Variants in SLC25A12 observed in about 807,000 individuals in gnomAD.
SLC25A12 encodes solute carrier family 25 member 12.
In SLC25A12, 32 loss-of-function variants were observed where a neutral mutation model predicts 83.3. The ratio of observed to expected loss-of-function variants is 0.38; its 90% CI spans 0.29 to 0.52. The LOEUF is 0.52. SLC25A12 is among the 20% of genes least tolerant of loss of function. The pLI is 0.84. For synonymous variants in SLC25A12, 267 were observed against 291.1 expected (o/e 0.92, Z 0.84); for missense variants, 611 against 835.6 (o/e 0.73, Z 3.31).
intron 13 of SLC25A12, among the ~76,000 whole-genome samples, chr2:171,795,902 C>G (rs758680036): frequency 7.3e-5 from 11 of 151,598 alleles, no homozygotes; most frequent in Non-Finnish European, 1.6e-4. Flanking sequence ...TCTACTGAAA[C>G]TTTACAAAAA....
chr2:171,805,909 G>C (rs1209014091), intron 13 of SLC25A12, among the ~76,000 whole-genome samples: 1 of 152,224 alleles, frequency 6.6e-6, no homozygotes, highest in East Asian at 1.9e-4. Context: ...AGGAATTCGA[G>C]ACCAGCCTGG....
At chr2:171,831,737 A>G (rs1684435663) in intron 8 of SLC25A12, among the ~76,000 whole-genome samples, 1 of 152,088 alleles carries the variant, frequency 6.6e-6, no homozygotes, top group South Asian at 2.1e-4. Context: ...TGTCGCTACT[A>G]AAAATACAAA....
intron 13 of SLC25A12, among the ~76,000 whole-genome samples, chr2:171,795,639 C>G (rs1250276013): frequency 6.6e-6 from 1 of 152,122 alleles, no homozygotes; most frequent in Non-Finnish European, 1.5e-5. Context: ...TTGCCACTAC[C>G]AGACAGTGTC....
At chr2:171,886,723 G>A (rs192797711) in intron 2 of SLC25A12, among the ~76,000 whole-genome samples, 31 of 152,062 alleles carry the variant, frequency 2.0e-4, no homozygotes, top group African/African-American at 7.0e-4. Context: ...TGTTAGCCAG[G>A]ATGGTCTCAA....
intron 9 of SLC25A12, among the ~76,000 whole-genome samples, chr2:171,826,222 C>T (rs78998119): frequency 0.021 from 3,167 of 152,258 alleles, 114 homozygotes; most frequent in African/African-American, 0.072. Flanking sequence ...CTAAGGGGAA[C>T]GGGGTCAAAC....
chr2:171,827,554 T>C (rs1382811013), intron 8 of SLC25A12, among the ~76,000 whole-genome samples: 1 of 152,202 alleles, frequency 6.6e-6, no homozygotes, highest in Admixed American at 6.5e-5. Context: ...CAAGTCTTCA[T>C]TTATATAGGG....
intron 4 of SLC25A12, among the ~76,000 whole-genome samples, chr2:171,855,294 T>C (rs1050986784): frequency 6.6e-6 from 1 of 152,222 alleles, no homozygotes; most frequent in Non-Finnish European, 1.5e-5. Flanking sequence ...TTTAAATAAA[T>C]TTCTACATTC....
At chr2:171,826,018 G>T (rs1451991526) in intron 9 of SLC25A12, among the ~76,000 whole-genome samples, 1 of 152,024 alleles carries the variant, frequency 6.6e-6, no homozygotes, top group East Asian at 1.9e-4. Context: ...AACAGTCAGG[G>T]TTTTCTTTCT....
At chr2:171,811,411 A>C (rs1167741895) in intron 11 of SLC25A12, among the ~76,000 whole-genome samples, 7 of 152,188 alleles carry the variant, frequency 4.6e-5, no homozygotes, top group Non-Finnish European at 1.0e-4. Flanking sequence ...ATTACTTTTA[A>C]TCTAACTCCC....
chr2:171,802,116 C>T (rs1683720248), intron 13 of SLC25A12, among the ~76,000 whole-genome samples: 1 of 152,142 alleles, frequency 6.6e-6, no homozygotes, highest in South Asian at 2.1e-4. Context: ...ACTGTATACA[C>T]ACACATACAA....
At chr2:171,825,508 G>A (rs1023779074) in intron 9 of SLC25A12, among the ~76,000 whole-genome samples, 9 of 152,244 alleles carry the variant, frequency 5.9e-5, no homozygotes, top group African/African-American at 2.2e-4. Flanking sequence ...ACTCACCAAT[G>A]TGGCAGCAAT....
In SLC25A12 at chr2:171,830,483, AC is replaced by A. The variant is rs1684408421; in HGVS notation, c.845+3479del. On this transcript the variant is annotated intron_variant, in intron 8 of 17. Transcript: ENST00000422440. ...CATAAAGAAATTTGAATACTGTTTA[AC>A]CTCATGTACTCCTTTGTTTACAGGT... Among the ~76,000 whole-genome samples, 5 of 152,078 alleles carry A rather than the reference AC, an allele frequency of 3.3e-5. 2 individuals are homozygous for A. The highest frequency in any genetic ancestry group is 1.2e-4 in the African/African-American group (5 of 41,494).
intron 2 of SLC25A12, among the ~76,000 whole-genome samples, chr2:171,886,725 T>C (rs185247540): frequency 0.02 from 3,022 of 152,190 alleles, 51 homozygotes; most frequent in Admixed American, 0.067. Flanking sequence ...TTAGCCAGGA[T>C]GGTCTCAATC....
chr2:171,855,185 T>C (rs1167022190), intron 4 of SLC25A12, among the ~76,000 whole-genome samples: 1 of 152,232 alleles, frequency 6.6e-6, no homozygotes, highest in Non-Finnish European at 1.5e-5. Flanking sequence ...TACTAATTTC[T>C]GTAAAAAAGT....
intron 2 of SLC25A12, among the ~76,000 whole-genome samples, chr2:171,877,588 C>T (rs950108674): frequency 2.4e-4 from 36 of 151,364 alleles, no homozygotes; most frequent in Non-Finnish European, 4.4e-4. Flanking sequence ...TCACTTGAAC[C>T]CAGGAGGCGG....
At chr2:171,785,579 T>C in intron 17 of SLC25A12, 104 bp from the exon 18 acceptor site, 1 of 1,016,414 alleles carries the variant, frequency 9.8e-7, no homozygotes. Flanking sequence ...AGAAGAATGT[T>C]TCTCTCAACC....
intron 9 of SLC25A12, among the ~76,000 whole-genome samples, chr2:171,817,858 T>C (rs1477649518): frequency 6.6e-6 from 1 of 152,192 alleles, no homozygotes; most frequent in African/African-American, 2.4e-5. Context: ...TATATTTTTC[T>C]GTATACTTTC....
At chr2:171,851,850 A>C (rs922244981) in intron 4 of SLC25A12, among the ~76,000 whole-genome samples, 6 of 152,074 alleles carry the variant, frequency 3.9e-5, no homozygotes, top group Non-Finnish European at 7.4e-5. Context: ...TTCAATTTGG[A>C]TTTTAAATGC....
At chr2:171,871,457 T>C (rs894750876) in intron 2 of SLC25A12, among the ~76,000 whole-genome samples, 1 of 152,174 alleles carries the variant, frequency 6.6e-6, no homozygotes, top group Non-Finnish European at 1.5e-5. Context: ...CACATCTACC[T>C]GGGAGACTGA....
Sources: allele counts gnomAD v4.1 joint callset (sites outside exome capture counted in the v4.1 genomes callset), GRCh38; gene constraint gnomAD v4.1.1; transcripts MANE v1.5; gene names NCBI Gene and HGNC (gene_info 2026-07-23, HGNC 2026-07-21).